CBLC: variants seen among roughly 807,000 people sequenced by gnomAD.
CBLC encodes Cbl proto-oncogene C.
Under a neutral mutation model 58.6 loss-of-function variants are expected in CBLC, and 46 were observed. That is an observed-to-expected ratio of 0.79 (90% CI 0.62 to 1.00). The LOEUF is 1.00. Among genes scored for constraint, CBLC ranks in the 50% least tolerant of loss-of-function variants. CBLC has a pLI of 0.00. For missense variants in CBLC, 655 were observed against 625.8 expected (o/e 1.05, Z -0.50); for synonymous variants, 271 against 264.2 (o/e 1.03, Z -0.25).
intron 5 of CBLC, among the ~76,000 whole-genome samples, chr19:44,789,465 A>G (rs1206603591): frequency 6.6e-6 from 1 of 151,338 alleles, no homozygotes; most frequent in African/African-American, 2.4e-5. Flanking sequence ...GTGCAATGGC[A>G]TGATCTTGGC....
At position 44,792,471 on chromosome 19, in the gene CBLC, C is replaced by T. The variant is rs971614881; in HGVS notation, c.1094C>T (p.Pro365Leu). Reference protein sequence around the residue: ...AESNKDVKIEPCGHLLCSCCL... With the variant: ...AESNKDVKIELCGHLLCSCCL... ...AGCAACAAGGATGTGAAGATTGAGC[C>T]GTGCGGGCACCTGCTCTGCAGCTGC... Residue 365 changes from proline (P) to leucine (L), a missense_variant, in exon 7 of 11, where the codon CCG becomes CTG. By Grantham distance (98) the Pro-to-Leu change is moderately conservative. Around this residue, in one of 3 missense-constraint regions of CBLC, gnomAD observed 371 missense variants for 370.8 expected, o/e 1.00. Transcript: ENST00000647358. The T allele has an allele frequency of 1.6e-5, 25 of 1,611,202 alleles. No individual in the cohort carries two copies. The highest frequency in any genetic ancestry group is 2.2e-5 in the East Asian group (1 of 44,674).
At chr19:44,790,666 G>A (rs1473282124) in intron 6 of CBLC, among the ~76,000 whole-genome samples, 1 of 151,912 alleles carries the variant, frequency 6.6e-6, no homozygotes. Flanking sequence ...GAACTCCTAG[G>A]TTCCAGCAAT....
rs1041110421 is a variant in CBLC at position 44,794,192 on chromosome 19, G to A, written c.1285-12G>A. On this transcript the variant is annotated splice_polypyrimidine_tract_variant and intron_variant, in intron 8 of 10. Transcript: ENST00000647358. ...CTCACAAGCCCCTTCTCCTTCCTCT[G>A]TCCCACCCCAGGTGCCCCTTTCGGC... 1.2e-6 allele frequency: 2 copies of A among 1,601,476 alleles called. No homozygotes were observed. Among genetic ancestry groups the A allele is most frequent in the Admixed American group, 1.7e-5 (1 of 57,854 alleles).
In CBLC at chr19:44,780,962, A is replaced by G. The variant is rs779951141; in HGVS notation, c.411A>G (p.Ala137=). 1 of 1,613,260 alleles carries G rather than the reference A, an allele frequency of 6.2e-7. No individual in the cohort carries two copies. Among genetic ancestry groups the G allele is most frequent in the South Asian group, 1.1e-5 (1 of 91,068 alleles). Reference sequence around the variant, plus strand: ...GCCACATGCACGCAGAGCTGCACGCACTCTTCCCCGGGGGAAAGTACTGTG... The same window carrying G: ...GCCACATGCACGCAGAGCTGCACGCGCTCTTCCCCGGGGGAAAGTACTGTG... ...IFSHMHAELH[A]LFPGGKYCGH... is the part of the protein sequence containing the mutation. The change falls in exon 2 of 11, where the codon GCA becomes GCG. Residue 137 remains alanine (A), a synonymous_variant. Coordinates refer to ENST00000647358, the MANE Select transcript of CBLC (RefSeq NM_012116.4).
At chr19:44,794,457 CTTTTTTTTTTTTTTTTT>C (rs200824891) in intron 9 of CBLC, among the ~76,000 whole-genome samples, 176 bp downstream of exon 9, 1 of 78,346 alleles carries the variant, frequency 1.3e-5, no homozygotes, top group African/African-American at 5.5e-5. Flanking sequence ...CTGGGACTTT[CTTTTTTTTTTTTTTTTT>C]TTTTTTTTGA....
intron 9 of CBLC, among the ~76,000 whole-genome samples, chr19:44,794,518 G>A (rs1599873237): frequency 2.1e-5 from 3 of 140,132 alleles, no homozygotes; most frequent in African/African-American, 8.2e-5. Flanking sequence ...AGGCTGGAGT[G>A]CAGTGGCGCA....
intron 3 of CBLC, among the ~76,000 whole-genome samples, chr19:44,781,606 G>C (rs1340383347): frequency 7.5e-6 from 1 of 133,894 alleles, no homozygotes; most frequent in Admixed American, 7.4e-5. Flanking sequence ...GGGGGCTGGG[G>C]ACCTGGACTC....
At chr19:44,799,175 G>A (rs984730550) in intron 9 of CBLC, among the ~76,000 whole-genome samples, 2 of 152,086 alleles carry the variant, frequency 1.3e-5, no homozygotes, top group African/African-American at 4.8e-5. Context: ...TTCTCAGAGC[G>A]AAAAACAGGG....
In CBLC at chr19:44,787,073, A is replaced by G. The variant is rs538358682; in HGVS notation, c.917+2672A>G. On this transcript the variant is annotated intron_variant, in intron 5 of 10. Coordinates refer to ENST00000647358, the MANE Select transcript of CBLC (RefSeq NM_012116.4). ...GCATTCCAGCTTGGGTGACAGAGTG[A>G]GATTCCATCTCAAAAACATAAAAAT... Among the ~76,000 whole-genome samples, 3 of 152,092 alleles carry G rather than the reference A, an allele frequency of 2.0e-5. No individual in the cohort carries two copies. The South Asian group carries it at 6.2e-4, about 32-fold the overall frequency.
At chr19:44,798,220 T>G (rs1475264510) in intron 9 of CBLC, among the ~76,000 whole-genome samples, 1 of 151,950 alleles carries the variant, frequency 6.6e-6, no homozygotes, top group Non-Finnish European at 1.5e-5. Flanking sequence ...TTTGTTTGTT[T>G]TAATGTTTTA....
chr19:44,780,665 G>T (rs946810398), intron 1 of CBLC, among the ~76,000 whole-genome samples: 5 of 150,516 alleles, frequency 3.3e-5, no homozygotes, highest in Admixed American at 6.7e-5. Flanking sequence ...TACAGACAGG[G>T]TTTCACCATG....
intron 5 of CBLC, among the ~76,000 whole-genome samples, chr19:44,789,782 C>G (rs1432267640): frequency 6.6e-6 from 1 of 152,078 alleles, no homozygotes; most frequent in Non-Finnish European, 1.5e-5. Context: ...TGTGCCCTAC[C>G]TTGGGAGTCT....
chr19:44,784,719 C>T (rs1455703717), intron 5 of CBLC, among the ~76,000 whole-genome samples: 1 of 152,098 alleles, frequency 6.6e-6, no homozygotes, highest in Non-Finnish European at 1.5e-5. Flanking sequence ...CTATTTTCTT[C>T]CTCTTTTACT....
chr19:44,795,394 G>A (rs752010948), intron 9 of CBLC, among the ~76,000 whole-genome samples: 5 of 152,052 alleles, frequency 3.3e-5, no homozygotes, highest in African/African-American at 7.2e-5. Flanking sequence ...GCGCACACCC[G>A]TAGTCCCAGC....
rs527391700 is a variant in CBLC at position 44,796,012 on chromosome 19, C to A, written c.1362+1731C>A. 3.9e-5 allele frequency among the ~76,000 whole-genome samples: 6 copies of A among 152,134 alleles called. No individual in the cohort carries two copies. In the South Asian group the frequency reaches 1.2e-3, roughly 32 times the overall value. ...AGGTGGATCACTGAGTTCAGGAGTT[C>A]GAGACCAGCCTAACCAACATGGTGA... On this transcript the variant is annotated intron_variant, in intron 9 of 10. Coordinates refer to ENST00000647358, the MANE Select transcript of CBLC (RefSeq NM_012116.4).
chr19:44,790,033 A>G lies in CBLC; in HGVS notation c.947A>G (p.Asn316Ser), dbSNP rs756569446. The G allele has an allele frequency of 1.9e-6, 3 of 1,613,604 alleles. No homozygotes were observed. The African/African-American group carries it at 4.0e-5, about 22-fold the overall frequency. The change falls in exon 6 of 11, where the codon AAC becomes AGC. Residue 316 changes from asparagine (N) to serine (S), a missense_variant. This residue lies in a region of CBLC where 371 missense variants were observed against 370.8 expected (regional missense o/e 1.00). Transcript: ENST00000647358. ...CTCTACCCAGATGGAAAGACCCACA[A>G]CCCAGACCTGACTGAGCTCGGCCAG... is the stretch of plus-strand genomic sequence containing the variant. ...FYLYPDGKTH[N>S]PDLTELGQAE...
chr19:44,800,441 T>G lies in CBLC; in HGVS notation c.1423T>G (p.Ter475GlyextTer20). The G allele has an allele frequency of 6.2e-7, 1 of 1,610,872 alleles. No individual in the cohort carries two copies. The part of the protein sequence containing the change: ...ALGPQDPAPA[*>G] Reference sequence around the variant, plus strand: ...GGGACCCCAGGACCCTGCCCCGGCCTGAAGGCCAGGTGAGTCCATTCCCTA... The same window carrying G: ...GGGACCCCAGGACCCTGCCCCGGCCGGAAGGCCAGGTGAGTCCATTCCCTA... Residue 475 changes from the stop codon to glycine (G), a stop_lost, in exon 10 of 11, where the codon TGA becomes GGA. Transcript: ENST00000647358.
intron 9 of CBLC, among the ~76,000 whole-genome samples, chr19:44,795,447 T>C (rs571221025): frequency 6.6e-6 from 1 of 151,180 alleles, no homozygotes; most frequent in South Asian, 2.1e-4. Flanking sequence ...ATCCCAGGAG[T>C]TGGTAGCTCC....
At chr19:44,797,109 C>T (rs1390642515) in intron 9 of CBLC, among the ~76,000 whole-genome samples, 1 of 152,126 alleles carries the variant, frequency 6.6e-6, no homozygotes, top group African/African-American at 2.4e-5. Context: ...CTCCGCCTCC[C>T]CCACCCTTTC....
Sources: allele counts gnomAD v4.1 joint callset (sites outside exome capture counted in the v4.1 genomes callset), GRCh38; gene constraint gnomAD v4.1.1; regional missense constraint gnomAD v4.1.1; transcripts MANE v1.5; gene names NCBI Gene and HGNC (gene_info 2026-07-23, HGNC 2026-07-21).